The following TEX35 variants were observed in gnomAD, a reference collection of about 807,000 sequenced individuals.
TEX35 encodes the protein testis-expressed protein 35.
A neutral mutation model predicts 31.9 loss-of-function variants in TEX35; 26 were observed. The observed-to-expected ratio is 0.81, with a 90% confidence interval of 0.60 to 1.13. The LOEUF (loss-of-function observed/expected upper bound fraction) is 1.13. TEX35 is among the 50% of genes most tolerant of loss of function. The probability of loss-of-function intolerance (pLI) is 0.00; values close to 1 mark genes in which losing one functional copy is unlikely to be tolerated. For missense variants in TEX35, 278 were observed against 273.5 expected, an observed-to-expected ratio of 1.02 and a Z score of -0.12; for synonymous variants, 87 against 90.7, an observed-to-expected ratio of 0.96 and a Z score of 0.23.
At chr1:178,513,248 G>A (rs1420265092) in intron 1 of TEX35, 21 bp downstream of exon 1, 4 of 1,614,114 alleles carry the variant, frequency 2.5e-6, no homozygotes, top group Non-Finnish European at 3.4e-6. Context: ...GACATTGCTG[G>A]ACAGTGTGGG....
At chr1:178,513,968 T>C in intron 1 of TEX35, 59 bp from the exon 2 acceptor site, 1 of 1,591,810 alleles carries the variant, frequency 6.3e-7, no homozygotes, top group Non-Finnish European at 8.6e-7. Flanking sequence ...AAGGGCCAGA[T>C]GTTCTCCTCC....
In TEX35 at chr1:178,514,066, G is replaced by A. The variant is rs375582009; in HGVS notation, c.79G>A (p.Glu27Lys). 5.6e-6 allele frequency: 9 copies of A among 1,614,108 alleles called. No individual in the cohort carries two copies. The highest frequency in any genetic ancestry group is 7.6e-6 in the Non-Finnish European group (9 of 1,180,054). Residue 27 changes from glutamate to lysine, a missense_variant, in exon 2 of 9, where the codon GAG becomes AAG. Transcript: ENST00000319416. ...GGCAGTTTGCCTGGAATTGAAGCCA[G>A]AGCCGACCAAAGTAAGAAGCCCTTT... ...YKAVCLELKPEPTKTFDYKAV... is the reference protein window; with the variant it reads ...YKAVCLELKPKPTKTFDYKAV...
At chr1:178,517,479 A>T (rs1238208174) in intron 5 of TEX35, among the ~76,000 whole-genome samples, 1 of 152,226 alleles carries the variant, frequency 6.6e-6, no homozygotes, top group Non-Finnish European at 1.5e-5. Flanking sequence ...TAAACACTTT[A>T]GCAGCAGTTA....
intron 1 of TEX35, among the ~76,000 whole-genome samples, 166 bp from the exon 2 acceptor site, chr1:178,513,861 C>T (rs1363516521): frequency 1.3e-5 from 2 of 152,194 alleles, no homozygotes; most frequent in Non-Finnish European, 2.9e-5. Flanking sequence ...TGTTAGGAAT[C>T]GGATCCGGGT....
Position 178,522,507 on chromosome 1 carries a change from C to A in TEX35, c.*67C>A. ...AGCAAACAGTGTTTCAGAAACTGTC[C>A]TGCCCTGGGTGTGATTCTTTGGCTT... On this transcript the variant is annotated 3_prime_UTR_variant, in exon 9 of 9. Transcript: ENST00000319416. The A allele has an allele frequency of 2.0e-6, 3 of 1,477,986 alleles. No homozygotes were observed. The South Asian group carries it at 4.1e-5, about 20-fold the overall frequency. 91.6% of individuals were successfully genotyped at this position (1,477,986 alleles called of 1,614,324 possible).
intron 1 of TEX35, among the ~76,000 whole-genome samples, chr1:178,513,815 G>C (rs571603827): frequency 1.3e-5 from 2 of 152,240 alleles, no homozygotes. Flanking sequence ...GCAGACACAC[G>C]CCCATAGGAA....
At position 178,522,557 on chromosome 1, in the gene TEX35, G is replaced by A. The variant is rs1650325251; in HGVS notation, c.*117G>A. 7.6e-7 allele frequency: 1 copy of A among 1,317,708 alleles called. No individual in the cohort carries two copies. 81.6% of individuals were successfully genotyped at this position (1,317,708 alleles called of 1,614,324 possible). On this transcript the variant is annotated 3_prime_UTR_variant, in exon 9 of 9. Coordinates refer to ENST00000319416, the MANE Select transcript of TEX35 (RefSeq NM_032126.5). The stretch of plus-strand genomic sequence containing the variant: ...TCAATTTGAAGGACGAGGAATGATG[G>A]GATTTCATATTTTATTTCACACCAG...
chr1:178,518,093 G>T (rs1650145419), intron 5 of TEX35, among the ~76,000 whole-genome samples: 1 of 152,074 alleles, frequency 6.6e-6, no homozygotes, highest in Non-Finnish European at 1.5e-5. Context: ...ATAGACGAGT[G>T]TGAACAGACA....
chr1:178,513,868 G>C (rs995287260), intron 1 of TEX35, among the ~76,000 whole-genome samples, 159 bp from the exon 2 acceptor site: 7 of 152,254 alleles, frequency 4.6e-5, no homozygotes, highest in Non-Finnish European at 1.0e-4. Flanking sequence ...AATCGGATCC[G>C]GGTGCTGCGG....
chr1:178,520,897 C>T, intron 7 of TEX35, 23 bp downstream of exon 7: 1 of 1,613,040 alleles, frequency 6.2e-7, no homozygotes, highest in African/African-American at 1.3e-5. Flanking sequence ...CTGCCCGAGC[C>T]CAGCACTGGT....
chr1:178,518,592 T>A lies in TEX35; in HGVS notation c.277-1780T>A, dbSNP rs544452486. Among the ~76,000 whole-genome samples, 49 of 152,172 alleles carry A rather than the reference T, an allele frequency of 3.2e-4. 1 individual carries two copies. In the South Asian group the frequency reaches 7.1e-3, roughly 22 times the overall value. On this transcript the variant is annotated intron_variant, in intron 5 of 8. Coordinates refer to ENST00000319416, the MANE Select transcript of TEX35 (RefSeq NM_032126.5). ...AAAAGCAAGATACAAGTAATATACA[T>A]AGGCTGATCTCAGCTAGGTTAAAAA... is the stretch of plus-strand genomic sequence containing the variant.
rs1650222864 is a variant in TEX35 at position 178,520,420 on chromosome 1, C to T, written c.325C>T (p.Gln109Ter). 1 of 1,613,982 alleles carries T rather than the reference C, an allele frequency of 6.2e-7. No individual in the cohort carries two copies. The highest frequency in any genetic ancestry group is 1.1e-5 in the South Asian group (1 of 91,054). Reference protein sequence around the residue: ...DEKMDILINTQKNYKLPLRRA... With the variant: ...DEKMDILINT ...GAAGATGGACATTTTAATAAATACACAGAAGAACTATAAGCTGTAAGTGTA... is the reference window on the plus strand; with the variant it reads ...GAAGATGGACATTTTAATAAATACATAGAAGAACTATAAGCTGTAAGTGTA... The change falls in exon 6 of 9, where the codon CAG (glutamine) becomes TAG (stop). Residue 109 changes from glutamine to a stop codon, truncating the protein, a stop_gained. Coordinates refer to ENST00000319416, the MANE Select transcript of TEX35 (RefSeq NM_032126.5). LOFTEE classifies it high-confidence loss of function.
chr1:178,516,510 A>T, intron 4 of TEX35, 105 bp from the exon 5 acceptor site: 1 of 938,828 alleles, frequency 1.1e-6, no homozygotes, highest in Non-Finnish European at 1.7e-6. Flanking sequence ...AGTCCATGCC[A>T]GAGAAGCAGC....
intron 5 of TEX35, 138 bp downstream of exon 5, chr1:178,516,812 A>G: frequency 1.7e-6 from 1 of 576,422 alleles, no homozygotes; most frequent in South Asian, 2.7e-5. Flanking sequence ...ATTGCAAGCC[A>G]AATAATTAAT....
intron 3 of TEX35, among the ~76,000 whole-genome samples, chr1:178,515,069 A>G (rs1650026009): frequency 6.6e-6 from 1 of 152,168 alleles, no homozygotes; most frequent in South Asian, 2.1e-4. Context: ...AATCTGGAAC[A>G]GAACAGTTCT....
chr1:178,520,476 G>A lies in TEX35; in HGVS notation c.341+40G>A, dbSNP rs764529754. The A allele has an allele frequency of 3.7e-6, 6 of 1,614,024 alleles. No individual in the cohort carries two copies. In the Middle Eastern group the frequency reaches 4.9e-4, roughly 133 times the overall value. On this transcript the variant is annotated intron_variant, in intron 6 of 8. Transcript: ENST00000319416. ...CACTCGTCTCTCCTCATCCCTAAAG[G>A]GTCTCCTCCCTTCCCTTTGTTGGAT...
At chr1:178,514,144 CA>C in intron 2 of TEX35, 67 bp downstream of exon 2, 2 of 1,613,014 alleles carry the variant, frequency 1.2e-6, no homozygotes, top group Non-Finnish European at 1.7e-6. Flanking sequence ...GACCAGGAGT[CA>C]GGGGTCATTT....
In TEX35 at chr1:178,522,378, A is replaced by G. The variant is rs142754659; in HGVS notation, c.640A>G (p.Thr214Ala). ...GLYKGGEEPV[T>A]TQPSVGHAVP... ...TTACAAAGGTGGAGAGGAGCCAGTG[A>G]CCACCCAACCTTCTGTGGGCCACGC... Residue 214 changes from threonine (T) to alanine (A), a missense_variant, in exon 9 of 9, where the codon ACC becomes GCC. Transcript: ENST00000319416. 3.0e-4 allele frequency: 483 copies of G among 1,607,156 alleles called. No individual in the cohort carries two copies. Among genetic ancestry groups the G allele is most frequent in the Middle Eastern group, 2.0e-3 (12 of 6,052 alleles).
At chr1:178,513,451 G>A (rs1649948077) in intron 1 of TEX35, among the ~76,000 whole-genome samples, 1 of 152,248 alleles carries the variant, frequency 6.6e-6, no homozygotes, top group African/African-American at 2.4e-5. Context: ...CTGGGGATGA[G>A]GAGCACTGCC....
Sources: gnomAD v4.1 joint callset for allele counts (sites outside exome capture counted in the v4.1 genomes callset) on GRCh38, gnomAD v4.1.1 for gene constraint, MANE v1.5 for transcripts, NCBI Gene and HGNC (gene_info 2026-07-23, HGNC 2026-07-21) for gene names.